The following NANS variants were observed in gnomAD, a reference collection of about 807,000 sequenced individuals.
NANS encodes the protein N-acetylneuraminate-9-phosphate synthase.
Under a neutral mutation model 33.3 loss-of-function variants are expected in NANS, and 29 were observed. The observed-to-expected ratio is 0.87, with a 90% CI of 0.65 to 1.19. NANS has a LOEUF of 1.19. Ranked by LOEUF, NANS falls within the 50% of genes most tolerant of loss-of-function variation. The pLI, the probability that NANS is intolerant of heterozygous loss-of-function variation, is 0.00. For synonymous variants in NANS, 163 were observed against 177.2 expected (o/e 0.92, Z 0.64); for missense variants, 394 against 461.1 (o/e 0.85, Z 1.33).
chr9:98,064,856 C>T (rs530506371), intron 2 of NANS, among the ~76,000 whole-genome samples: 21 of 152,338 alleles, frequency 1.4e-4, no homozygotes, highest in Non-Finnish European at 2.2e-4. Flanking sequence ...GCATGCACCA[C>T]GCTCGGTACC....
intron 1 of NANS, among the ~76,000 whole-genome samples, chr9:98,057,959 A>G (rs978198537): frequency 3.3e-5 from 3 of 91,750 alleles, no homozygotes; most frequent in Non-Finnish European, 5.8e-5. Context: ...GGGTCTCTGT[A>G]TCACCCAGGC....
At chr9:98,063,089 T>C (rs1007662378) in intron 2 of NANS, among the ~76,000 whole-genome samples, 3 of 151,004 alleles carry the variant, frequency 2.0e-5, no homozygotes, top group African/African-American at 7.3e-5. Flanking sequence ...CAGGCCTGGC[T>C]GATTTTTTTT....
chr9:98,074,559 G>A (rs1829496097), intron 2 of NANS: 1 of 152,168 alleles, frequency 6.6e-6, no homozygotes, highest in African/African-American at 2.4e-5. Flanking sequence ...TTTTCTAAAT[G>A]TCCACTGGGT....
chr9:98,078,196 G>T lies in NANS; in HGVS notation c.452G>T (p.Arg151Leu), dbSNP rs140402727. 7.4e-5 allele frequency: 120 copies of T among 1,614,132 alleles called. No individual in the cohort carries two copies. The African/African-American group carries it at 1.6e-3, about 21-fold the overall frequency. The change falls in exon 4 of 6, where the codon CGC becomes CTC. Residue 151 changes from arginine (R) to leucine (L), a missense_variant. Physicochemically the swap from Arg to Leu is moderately radical, Grantham distance 102 (BLOSUM62 -2). Coordinates refer to ENST00000210444, the MANE Select transcript of NANS (RefSeq NM_018946.4). Reference protein sequence around the residue: ...PYLEKTAKKGRPMVISSGMQS... With the variant: ...PYLEKTAKKGLPMVISSGMQS... Reference sequence around the variant, plus strand: ...GTGTTGGTGCTGGATTACTCAGGTCGCCCAATGGTGATCTCCAGTGGGATG... The same window carrying T: ...GTGTTGGTGCTGGATTACTCAGGTCTCCCAATGGTGATCTCCAGTGGGATG...
intron 5 of NANS, 200 bp downstream of exon 5, chr9:98,081,282 A>C (rs1829849144): frequency 1.5e-6 from 1 of 674,916 alleles, no homozygotes; most frequent in African/African-American, 1.8e-5. Context: ...AGCAGGAGAC[A>C]CATGTTATCT....
intron 2 of NANS, chr9:98,076,203 A>G (rs1829584303): frequency 6.6e-6 from 1 of 152,196 alleles, no homozygotes; most frequent in Non-Finnish European, 1.5e-5. Context: ...GAATTGAAAT[A>G]GCCCCTTTTC....
Position 98,080,897 on chromosome 9 carries a change from G to T in NANS, c.685G>T (p.Ala229Ser). 2 of 1,614,192 alleles carry T rather than the reference G, an allele frequency of 1.2e-6. No homozygotes were observed. Among genetic ancestry groups the T allele is most frequent in the East Asian group, 2.2e-5 (1 of 44,890 alleles). The change falls in exon 5 of 6, where the codon GCT becomes TCT. Residue 229 changes from alanine (A) to serine (S), a missense_variant. Physicochemically the swap from Ala to Ser is moderately conservative, Grantham distance 99. Transcript: ENST00000210444. ...CATAGCGATATCTGTGGCCGCAGTG[G>T]CTCTGGGGGCCAAGGTGTTGGAACG... is the stretch of plus-strand genomic sequence containing the variant. ...TGIAISVAAV[A>S]LGAKVLERHI...
intron 1 of NANS, 90 bp downstream of exon 1, chr9:98,057,030 C>T: frequency 7.0e-7 from 1 of 1,419,232 alleles, no homozygotes. Context: ...GCCTCCGCGG[C>T]TGGGTACCCT....
At chr9:98,074,917 T>C (rs910865450) in intron 2 of NANS, 1 of 152,130 alleles carries the variant, frequency 6.6e-6, no homozygotes, top group African/African-American at 2.4e-5. Flanking sequence ...TTAGATTTTA[T>C]TGAAAAAATA....
At chr9:98,078,417 C>A in intron 4 of NANS, 70 bp downstream of exon 4, 1 of 1,517,030 alleles carries the variant, frequency 6.6e-7, no homozygotes, top group Non-Finnish European at 8.9e-7. Context: ...TTTTTATAAC[C>A]AAAATTCTAA....
intron 4 of NANS, among the ~76,000 whole-genome samples, chr9:98,079,216 C>CT (rs1298007691): frequency 6.6e-6 from 1 of 152,196 alleles, no homozygotes; most frequent in African/African-American, 2.4e-5. Context: ...CCCCCTAGGC[C>CT]TTTGTCTCTT....
intron 2 of NANS, among the ~76,000 whole-genome samples, chr9:98,066,862 G>A (rs1355879308): frequency 1.3e-5 from 2 of 152,074 alleles, no homozygotes; most frequent in African/African-American, 4.8e-5. Context: ...TGTTGACCAG[G>A]CTGATCTTGA....
intron 2 of NANS, among the ~76,000 whole-genome samples, chr9:98,066,242 T>C (rs1829144320): frequency 6.6e-6 from 1 of 152,198 alleles, no homozygotes; most frequent in Non-Finnish European, 1.5e-5. Flanking sequence ...TTCCAAAGTG[T>C]GGTTCAGGAA....
At chr9:98,076,894 G>C (rs774513568) in intron 2 of NANS, 24 bp from the exon 3 acceptor site, 1 of 1,575,832 alleles carries the variant, frequency 6.3e-7, no homozygotes, top group Admixed American at 1.7e-5. Flanking sequence ...TGGTGAAAAG[G>C]AGCTCCCTCT....
chr9:98,056,941 G>A lies in NANS; in HGVS notation c.132+1G>A, dbSNP rs1409938898. 2 of 1,585,282 alleles carry A rather than the reference G, an allele frequency of 1.3e-6. No homozygotes were observed. Among genetic ancestry groups the A allele is most frequent in the African/African-American group, 1.4e-5 (1 of 71,868 alleles). ...CAAGCGCATGATCCGCATGGCCAAG[G>A]TGAGGCGGCAGCTCCCGGGACCCGG... On this transcript the variant is annotated splice_donor_variant, in intron 1 of 5. Transcript: ENST00000210444. LOFTEE classifies it high-confidence loss of function.
At chr9:98,075,442 A>AAGGAAAGGG (rs1213904714) in intron 2 of NANS, 1 of 138,430 alleles carries the variant, frequency 7.2e-6, no homozygotes, top group Non-Finnish European at 1.6e-5. Flanking sequence ...GAAAGGGAGG[A>AAGGAAAGGG]AGGAAAGGGA....
chr9:98,081,117 C>G, intron 5 of NANS, 35 bp downstream of exon 5: 5 of 1,609,178 alleles, frequency 3.1e-6, no homozygotes, highest in Non-Finnish European at 4.3e-6. Context: ...GTTCTGCTGC[C>G]GTGTGTGGAA....
At position 98,066,468 on chromosome 9, in the gene NANS, GAC is replaced by G. The variant is rs1390127110; in HGVS notation, c.348+5476_348+5477del. 2.0e-5 allele frequency among the ~76,000 whole-genome samples: 3 copies of G among 152,096 alleles called. No individual in the cohort carries two copies. In the East Asian group the frequency reaches 5.8e-4, roughly 29 times the overall value. The stretch of plus-strand genomic sequence containing the variant: ...TGTCTTTTTAAAGAACAGTTTTATT[GAC>G]ACACCATCCAATTCACCCAATCGAG... On this transcript the variant is annotated intron_variant, in intron 2 of 5. Coordinates refer to ENST00000210444, the MANE Select transcript of NANS (RefSeq NM_018946.4).
intron 1 of NANS, among the ~76,000 whole-genome samples, chr9:98,058,880 A>T (rs189362220): frequency 1.3e-5 from 2 of 152,262 alleles, no homozygotes; most frequent in Admixed American, 1.3e-4. Context: ...CTTCATCTAG[A>T]CAATGAGAGC....
Sources: gnomAD v4.1 joint callset for allele counts (sites outside exome capture counted in the v4.1 genomes callset) on GRCh38, gnomAD v4.1.1 for gene constraint, MANE v1.5 for transcripts, NCBI Gene and HGNC (gene_info 2026-07-23, HGNC 2026-07-21) for gene names.